CAST: variants seen among roughly 807,000 people sequenced by gnomAD.
CAST encodes the protein MIR583 host.
CAST carries 76 observed loss-of-function variants against 119.6 expected under a neutral mutation model. That is an observed-to-expected ratio of 0.64 (90% CI 0.53 to 0.77). CAST has a LOEUF of 0.77. Among genes scored for constraint, CAST ranks in the 30% least tolerant of loss-of-function variants. CAST has a pLI of 0.00. For synonymous variants in CAST, 319 were observed against 331.6 expected, an observed-to-expected ratio of 0.96 and a Z score of 0.41; for missense variants, 953 against 946.5, an observed-to-expected ratio of 1.01 and a Z score of -0.09.
At chr5:95,992,969 G>A in the CAST span, among the ~76,000 whole-genome samples, 1 of 152,100 alleles carries the variant, frequency 6.6e-6, no homozygotes, top group Non-Finnish European at 1.5e-5. Flanking sequence ...AGTGTAGTGT[G>A]GGAAGTAGAA....
At chr5:96,620,010 T>G (rs182127146) in intron 1 of CAST, among the ~76,000 whole-genome samples, 1 of 152,238 alleles carries the variant, frequency 6.6e-6, no homozygotes, top group Non-Finnish European at 1.5e-5. Context: ...AGGGCTCTCA[T>G]GAAAATTACA....
At chr5:96,499,773 T>TTTG in the CAST span, among the ~76,000 whole-genome samples, 2 of 152,200 alleles carry the variant, frequency 1.3e-5, no homozygotes, top group Non-Finnish European at 2.9e-5. Flanking sequence ...TTCTAAATCC[T>TTTG]TTGTTGCCAT....
At chr5:96,456,445 T>C in the CAST span, among the ~76,000 whole-genome samples, 1 of 152,188 alleles carries the variant, frequency 6.6e-6, no homozygotes, top group Non-Finnish European at 1.5e-5. Flanking sequence ...AATATATAAC[T>C]ACTCCTCAGC....
At chr5:96,099,081 G>A in the CAST span, among the ~76,000 whole-genome samples, 4 of 152,110 alleles carry the variant, frequency 2.6e-5, no homozygotes, top group African/African-American at 9.7e-5. Context: ...TTCTTTTTGT[G>A]GCAATTGTGA....
the CAST span, among the ~76,000 whole-genome samples, chr5:96,182,592 C>A: frequency 6.6e-6 from 1 of 152,016 alleles, no homozygotes; most frequent in Non-Finnish European, 1.5e-5. Context: ...GTCAGACTTA[C>A]CATATAAATA....
chr5:96,285,389 G>GT, the CAST span, among the ~76,000 whole-genome samples: 2 of 152,180 alleles, frequency 1.3e-5, no homozygotes, highest in African/African-American at 4.8e-5. Context: ...CAAATTTCAG[G>GT]TTTTAACCTC....
chr5:96,075,027 C>T, the CAST span, among the ~76,000 whole-genome samples: 11 of 152,262 alleles, frequency 7.2e-5, no homozygotes, highest in African/African-American at 2.6e-4. Flanking sequence ...AAGTGGTCTG[C>T]CAGGAAGAAA....
the CAST span, among the ~76,000 whole-genome samples, chr5:96,507,311 T>A: frequency 6.6e-6 from 1 of 152,330 alleles, no homozygotes; most frequent in South Asian, 2.1e-4. Flanking sequence ...CAAAGTGACT[T>A]ACCCTGAGCT....
At chr5:96,621,685 A>C (rs1747608520) in intron 1 of CAST, among the ~76,000 whole-genome samples, 1 of 152,232 alleles carries the variant, frequency 6.6e-6, no homozygotes, top group African/African-American at 2.4e-5. Context: ...TGAGGATTAC[A>C]ATTCAAGATG....
intron 10 of CAST, among the ~76,000 whole-genome samples, 184 bp downstream of exon 10, chr5:96,736,424 G>C (rs182646254): frequency 6.6e-6 from 1 of 152,014 alleles, no homozygotes; most frequent in East Asian, 1.9e-4. Flanking sequence ...ACTCATGTTT[G>C]TAACACTTGC....
At chr5:96,008,416 CT>C in the CAST span, among the ~76,000 whole-genome samples, 11 of 152,154 alleles carry the variant, frequency 7.2e-5, no homozygotes, top group African/African-American at 2.4e-4. Context: ...TCATACATAT[CT>C]TTTTTTGTCA....
At chr5:96,305,001 C>T in the CAST span, among the ~76,000 whole-genome samples, 1 of 152,134 alleles carries the variant, frequency 6.6e-6, no homozygotes, top group African/African-American at 2.4e-5. Flanking sequence ...TCAATGGTAG[C>T]TTGATGTGGA....
the CAST span, among the ~76,000 whole-genome samples, chr5:96,198,646 A>G: frequency 6.6e-6 from 1 of 152,162 alleles, no homozygotes; most frequent in African/African-American, 2.4e-5. Context: ...TTTTCTAAGT[A>G]TGTATGAAAT....
At chr5:96,763,748 G>A (rs1325232577) in intron 25 of CAST, among the ~76,000 whole-genome samples, 1 of 152,160 alleles carries the variant, frequency 6.6e-6, no homozygotes, top group African/African-American at 2.4e-5. Flanking sequence ...GTTACTAACA[G>A]TGTTACATAC....
chr5:96,186,040 T>C, the CAST span, among the ~76,000 whole-genome samples: 1 of 152,202 alleles, frequency 6.6e-6, no homozygotes, highest in Non-Finnish European at 1.5e-5. Context: ...CAGTGGTTTA[T>C]AGTTATCCTT....
the CAST span, among the ~76,000 whole-genome samples, chr5:96,472,124 G>T: frequency 1.3e-5 from 2 of 152,118 alleles, no homozygotes; most frequent in South Asian, 2.1e-4. Context: ...TCTAATTGGG[G>T]TCTACAACTC....
intron 1 of CAST, among the ~76,000 whole-genome samples, chr5:96,534,868 GGAGA>G (rs1314861016): frequency 1.2e-5 from 1 of 85,550 alleles, no homozygotes; most frequent in Non-Finnish European, 2.5e-5. Context: ...AGGGAAGGAA[GGAGA>G]AAGAAAGAAA....
At chr5:96,273,038 TAAAA>T in the CAST span, among the ~76,000 whole-genome samples, 1 of 152,310 alleles carries the variant, frequency 6.6e-6, no homozygotes, top group Admixed American at 6.5e-5. Context: ...TTAGACGAGA[TAAAA>T]TATTTTACAC....
At chr5:96,339,808 G>A in the CAST span, among the ~76,000 whole-genome samples, 1 of 152,246 alleles carries the variant, frequency 6.6e-6, no homozygotes, top group East Asian at 1.9e-4. Context: ...TTGACCCTCT[G>A]AGCCCAAAGC....
Sources: allele counts gnomAD v4.1 joint callset (sites outside exome capture counted in the v4.1 genomes callset), GRCh38; gene constraint gnomAD v4.1.1; transcripts MANE v1.5; gene names NCBI Gene and HGNC (gene_info 2026-07-23, HGNC 2026-07-21).